Variants in ADAMTS12 observed in about 807,000 individuals in gnomAD.
ADAMTS12 encodes the protein A disintegrin and metalloproteinase with thrombospondin motifs 12.
In ADAMTS12, 118 loss-of-function variants were observed where a neutral mutation model predicts 167.8. That is an observed-to-expected ratio of 0.70 (90% CI 0.61 to 0.82). The LOEUF (loss-of-function observed/expected upper bound fraction) is 0.82, where lower values mean the gene tolerates loss of function less well. Among genes scored for constraint, ADAMTS12 ranks in the 40% least tolerant of loss-of-function variants. The pLI, the probability that ADAMTS12 is intolerant of heterozygous loss-of-function variation, is 0.00. For synonymous variants in ADAMTS12, 704 were observed against 716.9 expected (o/e 0.98, Z 0.29); for missense variants, 1,916 against 1,998.8 (o/e 0.96, Z 0.79).
chr5:33,550,686 G>T (rs1745216416), intron 20 of ADAMTS12, among the ~76,000 whole-genome samples: 1 of 152,042 alleles, frequency 6.6e-6, no homozygotes, highest in Non-Finnish European at 1.5e-5. Flanking sequence ...CTTGTAATTT[G>T]TCTCAGCTCC....
At chr5:33,669,731 A>G (rs1436988551) in intron 5 of ADAMTS12, among the ~76,000 whole-genome samples, 1 of 152,116 alleles carries the variant, frequency 6.6e-6, no homozygotes, top group Non-Finnish European at 1.5e-5. Flanking sequence ...CATTATTTGC[A>G]TTTGGGAAAA....
intron 5 of ADAMTS12, among the ~76,000 whole-genome samples, chr5:33,679,859 G>A (rs538387033): frequency 1.1e-4 from 17 of 152,308 alleles, no homozygotes; most frequent in African/African-American, 4.1e-4. Context: ...GAGCAATGAT[G>A]TAACTTCCTT....
intron 21 of ADAMTS12, among the ~76,000 whole-genome samples, chr5:33,548,514 T>G (rs1745093211): frequency 6.6e-6 from 1 of 152,172 alleles, no homozygotes; most frequent in Non-Finnish European, 1.5e-5. Flanking sequence ...TTTATTTTTA[T>G]TTTTTGGCCT....
intron 18 of ADAMTS12, among the ~76,000 whole-genome samples, chr5:33,580,548 C>T (rs1350575185): frequency 7.2e-5 from 11 of 152,220 alleles, no homozygotes; most frequent in Admixed American, 7.2e-4. Context: ...ACCATTTCAG[C>T]TACCTAGCTG....
At chr5:33,580,033 G>T (rs955331203) in intron 18 of ADAMTS12, among the ~76,000 whole-genome samples, 2 of 152,194 alleles carry the variant, frequency 1.3e-5, no homozygotes, top group Non-Finnish European at 2.9e-5. Flanking sequence ...TTTACTGCTG[G>T]ATGTTTTTAG....
intron 2 of ADAMTS12, among the ~76,000 whole-genome samples, chr5:33,769,068 G>C (rs1393734921): frequency 6.6e-6 from 1 of 152,002 alleles, no homozygotes; most frequent in Non-Finnish European, 1.5e-5. Flanking sequence ...GAAGACAGAG[G>C]CACAACAGAA....
At chr5:33,689,607 A>C (rs1742478671) in intron 3 of ADAMTS12, among the ~76,000 whole-genome samples, 1 of 152,112 alleles carries the variant, frequency 6.6e-6, no homozygotes, top group African/African-American at 2.4e-5. Context: ...AGTGCTACTC[A>C]GGGAAGATAT....
intron 2 of ADAMTS12, among the ~76,000 whole-genome samples, chr5:33,814,301 T>A (rs928240759): frequency 6.6e-6 from 1 of 152,220 alleles, no homozygotes; most frequent in African/African-American, 2.4e-5. Context: ...ATTTACTTTT[T>A]TTCCATATAG....
chr5:33,756,313 T>C (rs1745165052), intron 2 of ADAMTS12, among the ~76,000 whole-genome samples: 1 of 152,186 alleles, frequency 6.6e-6, no homozygotes, highest in African/African-American at 2.4e-5. Flanking sequence ...GGCACTTCCA[T>C]GGGTGCTATG....
intron 18 of ADAMTS12, among the ~76,000 whole-genome samples, chr5:33,580,789 T>A (rs1400357116): frequency 6.6e-6 from 1 of 152,228 alleles, no homozygotes; most frequent in East Asian, 1.9e-4. Flanking sequence ...ATAAAATTCC[T>A]GATTTTTGAC....
chr5:33,549,163 T>C, intron 21 of ADAMTS12, 44 bp downstream of exon 21: 1 of 1,591,144 alleles, frequency 6.3e-7, no homozygotes, highest in Non-Finnish European at 8.6e-7. Context: ...ATTCATGGCT[T>C]GCCAGGTTGT....
intron 3 of ADAMTS12, among the ~76,000 whole-genome samples, chr5:33,705,454 C>T (rs558138218): frequency 8.5e-5 from 13 of 152,090 alleles, no homozygotes; most frequent in African/African-American, 3.1e-4. Context: ...ATAGTTTTCC[C>T]ATATTATCTC....
chr5:33,756,024 A>T (rs1745157042), intron 2 of ADAMTS12, among the ~76,000 whole-genome samples: 1 of 152,212 alleles, frequency 6.6e-6, no homozygotes, highest in Admixed American at 6.5e-5. Flanking sequence ...ATCAATCTAT[A>T]TCTATCATAG....
intron 3 of ADAMTS12, among the ~76,000 whole-genome samples, chr5:33,730,198 C>T (rs893053393): frequency 2.0e-5 from 3 of 151,726 alleles, no homozygotes; most frequent in Non-Finnish European, 4.4e-5. Flanking sequence ...CAGTTTATGC[C>T]AATAGTTGCA....
At chr5:33,699,537 GA>G (rs1742919895) in intron 3 of ADAMTS12, among the ~76,000 whole-genome samples, 2 of 151,964 alleles carry the variant, frequency 1.3e-5, no homozygotes, top group South Asian at 2.1e-4. Flanking sequence ...GTCTATAAAA[GA>G]AAAAAATAAT....
chr5:33,822,700 G>C (rs754992835), intron 2 of ADAMTS12, among the ~76,000 whole-genome samples: 2 of 151,344 alleles, frequency 1.3e-5, no homozygotes, highest in Non-Finnish European at 2.9e-5. Flanking sequence ...AAAATTAATT[G>C]GTATTTAAAA....
chr5:33,711,370 T>G (rs1579862842), intron 3 of ADAMTS12, among the ~76,000 whole-genome samples: 1 of 152,174 alleles, frequency 6.6e-6, no homozygotes, highest in Non-Finnish European at 1.5e-5. Flanking sequence ...TGACTGGCTG[T>G]TTTTACTTCC....
chr5:33,540,153 C>A (rs910885733), intron 22 of ADAMTS12, among the ~76,000 whole-genome samples: 2 of 152,258 alleles, frequency 1.3e-5, no homozygotes, highest in African/African-American at 2.4e-5. Context: ...CAAGGAGATT[C>A]TCTCCTGTGC....
intron 13 of ADAMTS12, among the ~76,000 whole-genome samples, chr5:33,627,656 G>C (rs1193639303): frequency 6.6e-6 from 1 of 152,170 alleles, no homozygotes; most frequent in East Asian, 1.9e-4. Context: ...TAGAAGAACA[G>C]GTTGGGGCAA....
Sources: allele counts gnomAD v4.1 joint callset (sites outside exome capture counted in the v4.1 genomes callset), GRCh38; gene constraint gnomAD v4.1.1; transcripts MANE v1.5; gene names NCBI Gene and HGNC (gene_info 2026-07-23, HGNC 2026-07-21).